TRAPPC9: variants seen among roughly 807,000 people sequenced by gnomAD.
TRAPPC9 encodes trafficking protein particle complex subunit 9, also known as IKK2 binding protein.
A neutral mutation model predicts 124.0 loss-of-function variants in TRAPPC9; 83 were observed. That is an observed-to-expected ratio of 0.67 (90% CI 0.56 to 0.80). TRAPPC9 has a LOEUF of 0.80. Ranked by LOEUF, TRAPPC9 falls within the 30% of genes least tolerant of loss-of-function variation. The pLI is 0.00. For missense variants in TRAPPC9, 1,302 were observed against 1,508.3 expected (o/e 0.86, Z 2.27); for synonymous variants, 638 against 617.5 (o/e 1.03, Z -0.49).
intron 17 of TRAPPC9, among the ~76,000 whole-genome samples, chr8:140,065,012 A>G (rs1842836877): frequency 6.6e-6 from 1 of 152,182 alleles, no homozygotes; most frequent in Non-Finnish European, 1.5e-5. Context: ...ATGAGCACAG[A>G]CTTCGCCCAA....
chr8:140,447,343 G>A (rs952047544), intron 2 of TRAPPC9, among the ~76,000 whole-genome samples: 1 of 152,168 alleles, frequency 6.6e-6, no homozygotes, highest in African/African-American at 2.4e-5. Flanking sequence ...GATTTAGACA[G>A]CAGTGTTTGT....
At chr8:139,739,399 C>T (rs950178725) in intron 21 of TRAPPC9, among the ~76,000 whole-genome samples, 6 of 152,226 alleles carry the variant, frequency 3.9e-5, no homozygotes, top group African/African-American at 9.6e-5. Flanking sequence ...CTGCCTGGCC[C>T]GTGGCTTCTG....
intron 5 of TRAPPC9, among the ~76,000 whole-genome samples, chr8:140,420,925 G>C (rs1047881984): frequency 6.6e-6 from 1 of 152,130 alleles, no homozygotes; most frequent in Non-Finnish European, 1.5e-5. Context: ...TAAACACATG[G>C]AGAGGAAAAG....
At chr8:139,912,225 T>G (rs1298824645) in intron 19 of TRAPPC9, among the ~76,000 whole-genome samples, 2 of 152,218 alleles carry the variant, frequency 1.3e-5, no homozygotes, top group Non-Finnish European at 2.9e-5. Flanking sequence ...TACATATATA[T>G]GTATAAATCA....
At chr8:139,900,436 G>A (rs745847856) in intron 20 of TRAPPC9, among the ~76,000 whole-genome samples, 1 of 152,246 alleles carries the variant, frequency 6.6e-6, no homozygotes, top group Non-Finnish European at 1.5e-5. Context: ...TGTGTTAGGT[G>A]CTGGGGATTC....
intron 7 of TRAPPC9, among the ~76,000 whole-genome samples, chr8:140,389,039 C>A (rs1364761158): frequency 6.8e-6 from 1 of 148,142 alleles, no homozygotes; most frequent in Non-Finnish European, 1.5e-5. Flanking sequence ...CTCACTGCAA[C>A]CTCCGCCTCC....
chr8:140,278,671 G>C lies in TRAPPC9; in HGVS notation c.2115-2850C>G, dbSNP rs1045441510. 2.6e-5 allele frequency among the ~76,000 whole-genome samples: 4 copies of C among 152,276 alleles called. No homozygotes were observed. The South Asian group carries it at 8.3e-4, about 32-fold the overall frequency. ...CTGGCCATGGAGAGGGCCGGACAAC[G>C]CAATTCCACAGGAGATGCCATCAGG... On this transcript the variant is annotated intron_variant, in intron 14 of 22. Coordinates refer to ENST00000438773, the MANE Select transcript of TRAPPC9 (RefSeq NM_001160372.4).
intron 18 of TRAPPC9, among the ~76,000 whole-genome samples, chr8:139,996,602 G>T (rs1346862882): frequency 6.6e-6 from 1 of 150,944 alleles, no homozygotes; most frequent in Admixed American, 6.6e-5. Flanking sequence ...CGTCACAGGA[G>T]ACTAAGAAAC....
At position 140,451,171 on chromosome 8, in the gene TRAPPC9, C is replaced by T; in HGVS notation, c.203G>A (p.Trp68Ter). The change falls in exon 2 of 23, where the codon TGG becomes TAG. Residue 68 changes from tryptophan to a stop codon, truncating the protein, a stop_gained. Coordinates refer to ENST00000438773, the MANE Select transcript of TRAPPC9 (RefSeq NM_001160372.4). LOFTEE classifies it high-confidence loss of function. ...TTTGCGGTGGGTCTGGAAGTCACCC[C>T]ACTCGTTGTTCTCGGGTGGGTAGTG... ...RHHYPPENNE[W>*]GDFQTHRKVV... 6.2e-7 allele frequency: 1 copy of T among 1,614,046 alleles called. No individual in the cohort carries two copies. Among genetic ancestry groups the T allele is most frequent in the Non-Finnish European group, 8.5e-7 (1 of 1,179,968 alleles).
chr8:139,952,692 G>A (rs1259130067), intron 19 of TRAPPC9, among the ~76,000 whole-genome samples: 1 of 152,204 alleles, frequency 6.6e-6, no homozygotes, highest in African/African-American at 2.4e-5. Flanking sequence ...ATGGGGCCGA[G>A]GGGTGCTGGT....
intron 17 of TRAPPC9, among the ~76,000 whole-genome samples, chr8:140,159,106 T>A (rs1248158771): frequency 6.6e-6 from 1 of 152,182 alleles, no homozygotes; most frequent in African/African-American, 2.4e-5. Context: ...GGTGCCTAAG[T>A]CCTGCTGCCC....
At chr8:140,299,064 G>A (rs2065891521) in intron 11 of TRAPPC9, among the ~76,000 whole-genome samples, 1 of 152,184 alleles carries the variant, frequency 6.6e-6, no homozygotes, top group South Asian at 2.1e-4. Flanking sequence ...TGGGATCAGA[G>A]AACACCCCTC....
chr8:139,755,842 AGGGTTTG>A (rs1819717186), intron 21 of TRAPPC9, among the ~76,000 whole-genome samples: 1 of 138,988 alleles, frequency 7.2e-6, no homozygotes. Context: ...AGGAGGAGCC[AGGGTTTG>A]GGGATGAGGA....
chr8:140,207,057 T>TGGAGAAGGCAGGCAGGAGCC (rs2062939855), intron 17 of TRAPPC9, among the ~76,000 whole-genome samples: 2 of 152,212 alleles, frequency 1.3e-5, no homozygotes, highest in Admixed American at 1.3e-4. Flanking sequence ...AGACTGCACC[T>TGGAGAAGGCAGGCAGGAGCC]GGAGAAGGCA....
At chr8:139,779,225 GAACTGTT>G (rs1462164850) in intron 21 of TRAPPC9, among the ~76,000 whole-genome samples, 2 of 152,074 alleles carry the variant, frequency 1.3e-5, no homozygotes, top group African/African-American at 4.8e-5. Flanking sequence ...GCAGGGCAGA[GAACTGTT>G]AACCTAGAAT....
chr8:140,240,635 C>T (rs999430627), intron 16 of TRAPPC9, among the ~76,000 whole-genome samples: 2 of 152,210 alleles, frequency 1.3e-5, no homozygotes, highest in Admixed American at 6.5e-5. Context: ...TGCAGTGGCA[C>T]AAACACAGCT....
chr8:139,858,565 T>C (rs1471183063), intron 21 of TRAPPC9, among the ~76,000 whole-genome samples: 1 of 152,134 alleles, frequency 6.6e-6, no homozygotes, highest in Non-Finnish European at 1.5e-5. Flanking sequence ...CAGGTGTGTA[T>C]ACATAGGGGA....
chr8:139,743,654 G>C (rs1290777118), intron 21 of TRAPPC9, among the ~76,000 whole-genome samples: 1 of 152,166 alleles, frequency 6.6e-6, no homozygotes, highest in Admixed American at 6.6e-5. Flanking sequence ...AAGTTCTATG[G>C]AGAAATAAAA....
rs78127811 is a variant in TRAPPC9, at chr8:140,295,638, G to A, written c.1769-4560C>T. On this transcript the variant is annotated intron_variant, in intron 11 of 22. Coordinates refer to ENST00000438773, the MANE Select transcript of TRAPPC9 (RefSeq NM_001160372.4). The stretch of plus-strand genomic sequence containing the variant: ...CACACCAGCCAACACACAAAGACTC[G>A]TGAACTATCCCAAGTTAAAGTGGAA... 1.3e-3 allele frequency among the ~76,000 whole-genome samples: 197 copies of A among 152,308 alleles called. 1 individual carries two copies. Among genetic ancestry groups the A allele is most frequent in the African/African-American group, 3.4e-3 (142 of 41,570 alleles).
Sources: gnomAD v4.1 joint callset for allele counts (sites outside exome capture counted in the v4.1 genomes callset) on GRCh38, gnomAD v4.1.1 for gene constraint, MANE v1.5 for transcripts, NCBI Gene and HGNC (gene_info 2026-07-23, HGNC 2026-07-21) for gene names.